Variants in GALNT18 observed in about 807,000 individuals in gnomAD.
GALNT18 encodes the protein GalNAc-transferase 18.
In GALNT18, 44 loss-of-function variants were observed where a neutral mutation model predicts 69.5. The ratio of observed to expected loss-of-function variants is 0.63; its 90% CI spans 0.50 to 0.81. The LOEUF (loss-of-function observed/expected upper bound fraction) is 0.81, where lower values mean the gene tolerates loss of function less well. GALNT18 is among the 40% of genes least tolerant of loss of function. The pLI is 0.00. For missense variants in GALNT18, 715 were observed against 810.0 expected (o/e 0.88, Z 1.42); for synonymous variants, 364 against 318.2 (o/e 1.14, Z -1.53).
intron 10 of GALNT18, among the ~76,000 whole-genome samples, chr11:11,290,668 C>A (rs1356694562): frequency 6.6e-6 from 1 of 152,150 alleles, no homozygotes; most frequent in Non-Finnish European, 1.5e-5. Context: ...AACATTCATT[C>A]CCAATTAAGT....
At chr11:11,395,613 T>C (rs1854308146) in intron 3 of GALNT18, among the ~76,000 whole-genome samples, 1 of 152,164 alleles carries the variant, frequency 6.6e-6, no homozygotes, top group Non-Finnish European at 1.5e-5. Context: ...AAGTGGCCAC[T>C]GCACTTGAAG....
At position 11,320,725 on chromosome 11, in the gene GALNT18, G is replaced by A. The variant is rs139491283; in HGVS notation, c.1512+6361C>T. Reference sequence around the variant, plus strand: ...CATCCCCTGCCCCTGCGTTCATCATGGGTGGATGTAGGAGCTCAGGCTGGG... The same window carrying A: ...CATCCCCTGCCCCTGCGTTCATCATAGGTGGATGTAGGAGCTCAGGCTGGG... On this transcript the variant is annotated intron_variant, in intron 9 of 10. Coordinates refer to ENST00000227756, the MANE Select transcript of GALNT18 (RefSeq NM_198516.3). This position sits in a 1 kb window ranked among gnomAD's most constrained non-coding sequence, Gnocchi z 4.9. Among the ~76,000 whole-genome samples, 65 of 152,272 alleles carry A rather than the reference G, an allele frequency of 4.3e-4. No individual in the cohort carries two copies. Among genetic ancestry groups the A allele is most frequent in the African/African-American group, 1.5e-3 (64 of 41,552 alleles).
chr11:11,345,441 G>T (rs958420796), intron 6 of GALNT18, among the ~76,000 whole-genome samples: 2 of 152,136 alleles, frequency 1.3e-5, no homozygotes, highest in Non-Finnish European at 2.9e-5. Flanking sequence ...AGGCCCTCTG[G>T]GATGGTAGAC....
rs143508389 is a variant in GALNT18, at chr11:11,391,652, C to T, written c.596-12388G>A. On this transcript the variant is annotated intron_variant, in intron 3 of 10. Transcript: ENST00000227756. ...GCAGGAATCTTTATACTCTTAGGCC[C>T]GTCTTACAAATGCGCAAAATGAGGC... is the stretch of plus-strand genomic sequence containing the variant. 3.8e-3 allele frequency among the ~76,000 whole-genome samples: 574 copies of T among 152,300 alleles called. 3 individuals carry two copies. The highest frequency in any genetic ancestry group is 0.013 in the African/African-American group (528 of 41,558).
chr11:11,556,731 A>G (rs1039302374), intron 1 of GALNT18, among the ~76,000 whole-genome samples: 1 of 152,240 alleles, frequency 6.6e-6, no homozygotes, highest in Non-Finnish European at 1.5e-5. Flanking sequence ...GTCAATGTAC[A>G]CTACCATTAT....
rs913819478 is a variant in GALNT18 at position 11,573,055 on chromosome 11, C to A, written c.235+48304G>T. Among the ~76,000 whole-genome samples, 2 of 152,108 alleles carry A rather than the reference C, an allele frequency of 1.3e-5. No homozygotes were observed. Among genetic ancestry groups the A allele is most frequent in the Admixed American group, 6.5e-5 (1 of 15,282 alleles). On this transcript the variant is annotated intron_variant, in intron 1 of 10. Transcript: ENST00000227756. The surrounding 1 kb of genome is among the most constrained non-coding windows in gnomAD (Gnocchi z 4.6). ...CTTAGCCCATTTTACAGATGAGAAA[C>A]CTGGGTCTCAGAGATACTAATGAAA...
chr11:11,490,430 A>G (rs1170214609), intron 1 of GALNT18, among the ~76,000 whole-genome samples: 1 of 152,182 alleles, frequency 6.6e-6, no homozygotes, highest in Admixed American at 6.5e-5. Flanking sequence ...ATAGACTAAG[A>G]AAATGCCTTA....
At chr11:11,479,263 A>C (rs1319340788) in intron 1 of GALNT18, among the ~76,000 whole-genome samples, 2 of 152,236 alleles carry the variant, frequency 1.3e-5, no homozygotes, top group African/African-American at 4.8e-5. Flanking sequence ...AAGTCTCCTT[A>C]ACAGGGAACA....
At chr11:11,610,409 A>C (rs1859865977) in intron 1 of GALNT18, among the ~76,000 whole-genome samples, 1 of 152,204 alleles carries the variant, frequency 6.6e-6, no homozygotes, top group Non-Finnish European at 1.5e-5. Context: ...AGGCCTGCTT[A>C]TGCGGTTAAG....
At position 11,396,304 on chromosome 11, in the gene GALNT18, G is replaced by A. The variant is rs1420933009; in HGVS notation, c.596-17040C>T. 6.6e-6 allele frequency among the ~76,000 whole-genome samples: 1 copy of A among 152,182 alleles called. No homozygotes were observed. The highest frequency in any genetic ancestry group is 1.9e-4 in the East Asian group (1 of 5,186). On this transcript the variant is annotated intron_variant, in intron 3 of 10. Coordinates refer to ENST00000227756, the MANE Select transcript of GALNT18 (RefSeq NM_198516.3). This position sits in a 1 kb window ranked among gnomAD's most constrained non-coding sequence, Gnocchi z 5.2. Reference sequence around the variant, plus strand: ...TTCTGGCCTGGGATCCACAAGACATGGATCAAGAAGGGCAACATTTCGAGA... The same window carrying A: ...TTCTGGCCTGGGATCCACAAGACATAGATCAAGAAGGGCAACATTTCGAGA...
In GALNT18 at chr11:11,332,827, G is replaced by C; in HGVS notation, c.1283C>G (p.Ser428Ter). The C allele has an allele frequency of 6.2e-7, 1 of 1,613,202 alleles. No homozygotes were observed. Among genetic ancestry groups the C allele is most frequent in the Non-Finnish European group, 8.5e-7 (1 of 1,179,982 alleles). ...YMAWNIPQEDSGIDIGDITAR... is the reference protein window; with the variant it reads ...YMAWNIPQED ...AGTGATGTCCCCAATGTCAATTCCT[G>C]AGTCCTGCACAGGGACGCAGAAGCA... is the stretch of plus-strand genomic sequence containing the variant. The change falls in exon 8 of 11, where the codon TCA becomes TGA. Residue 428 changes from serine to a stop codon, truncating the protein, a stop_gained. Transcript: ENST00000227756. LOFTEE classifies it high-confidence loss of function. This position sits in a 1 kb window ranked among gnomAD's most constrained non-coding sequence, Gnocchi z 4.3.
rs547671335 is a variant in GALNT18 at position 11,382,797 on chromosome 11, T to A, written c.596-3533A>T. Among the ~76,000 whole-genome samples, 1 of 152,338 alleles carries A rather than the reference T, an allele frequency of 6.6e-6. No homozygotes were observed. Among genetic ancestry groups the A allele is most frequent in the African/African-American group, 2.4e-5 (1 of 41,580 alleles). On this transcript the variant is annotated intron_variant, in intron 3 of 10. Transcript: ENST00000227756. The surrounding 1 kb of genome is among the most constrained non-coding windows in gnomAD (Gnocchi z 4.3). ...TGAAATTTCTATAAATAACATTTAA[T>A]AAAGTGTCTTGGTGGGTTAGGACAG...
chr11:11,351,889 A>C, intron 6 of GALNT18: 1 of 1,344,810 alleles, frequency 7.4e-7, no homozygotes, highest in South Asian at 1.3e-5. Context: ...AGCTGCATCA[A>C]GGAGGGGGTG....
At position 11,614,413 on chromosome 11, in the gene GALNT18, G is replaced by T. The variant is rs745701562; in HGVS notation, c.235+6946C>A. Among the ~76,000 whole-genome samples the T allele has an allele frequency of 6.6e-6, 1 of 151,544 alleles. No individual in the cohort carries two copies. The highest frequency in any genetic ancestry group is 1.5e-5 in the Non-Finnish European group (1 of 67,960). On this transcript the variant is annotated intron_variant, in intron 1 of 10. Coordinates refer to ENST00000227756, the MANE Select transcript of GALNT18 (RefSeq NM_198516.3). The surrounding 1 kb of genome is among the most constrained non-coding windows in gnomAD (Gnocchi z 5.6). The stretch of plus-strand genomic sequence containing the variant: ...AGGAGGAGGGAGGAGGAGCAGCAAG[G>T]CTCTTTAAACAACCAGCTCTTGAAT...
At chr11:11,568,490 C>T (rs1039178525) in intron 1 of GALNT18, among the ~76,000 whole-genome samples, 8 of 152,104 alleles carry the variant, frequency 5.3e-5, no homozygotes, top group Non-Finnish European at 1.2e-4. Flanking sequence ...ACTCATCCTG[C>T]CAGTGACTCT....
intron 3 of GALNT18, among the ~76,000 whole-genome samples, chr11:11,398,149 TG>T (rs1310636495): frequency 1.3e-5 from 2 of 152,270 alleles, no homozygotes; most frequent in Non-Finnish European, 2.9e-5. Context: ...TGTTAAGCAA[TG>T]TGTTCAAGAT....
At position 11,601,545 on chromosome 11, in the gene GALNT18, C is replaced by A. The variant is rs998020020; in HGVS notation, c.235+19814G>T. Among the ~76,000 whole-genome samples, 1 of 152,228 alleles carries A rather than the reference C, an allele frequency of 6.6e-6. No individual in the cohort carries two copies. The highest frequency in any genetic ancestry group is 2.1e-4 in the South Asian group (1 of 4,838). On this transcript the variant is annotated intron_variant, in intron 1 of 10. Coordinates refer to ENST00000227756, the MANE Select transcript of GALNT18 (RefSeq NM_198516.3). The surrounding 1 kb of genome is among the most constrained non-coding windows in gnomAD (Gnocchi z 4.0). ...AGCTGTTAGCCTCCACTAGTTGCTACCTGATTGCTCTATTATTTTCAACGG... is the reference window on the plus strand; with the variant it reads ...AGCTGTTAGCCTCCACTAGTTGCTAACTGATTGCTCTATTATTTTCAACGG...
chr11:11,316,657 T>A (rs894252310), intron 9 of GALNT18, among the ~76,000 whole-genome samples: 9 of 152,246 alleles, frequency 5.9e-5, no homozygotes, highest in African/African-American at 2.2e-4. Context: ...ACCAACAATT[T>A]ACCTTTCCAT....
At chr11:11,557,150 G>T (rs193126409) in intron 1 of GALNT18, among the ~76,000 whole-genome samples, 2 of 152,248 alleles carry the variant, frequency 1.3e-5, no homozygotes, top group Admixed American at 1.3e-4. Flanking sequence ...TCACAGAGGT[G>T]CCTCCAGATC....
Sources: allele counts gnomAD v4.1 joint callset (sites outside exome capture counted in the v4.1 genomes callset), GRCh38; gene constraint gnomAD v4.1.1; non-coding constraint Gnocchi (gnomAD v3.1); transcripts MANE v1.5; gene names NCBI Gene and HGNC (gene_info 2026-07-23, HGNC 2026-07-21).